Variants in RNF150 observed in about 807,000 individuals in gnomAD.
RNF150 encodes the protein ring finger protein 150.
In RNF150, 24 loss-of-function variants were observed where a neutral mutation model predicts 39.3. The ratio of observed to expected loss-of-function variants is 0.61; its 90% CI spans 0.44 to 0.86. RNF150 has a LOEUF of 0.86. Among genes scored for constraint, RNF150 ranks in the 40% least tolerant of loss-of-function variants. The pLI is 0.00. For synonymous variants in RNF150, 255 were observed against 227.3 expected (o/e 1.12, Z -1.10); for missense variants, 502 against 587.8 (o/e 0.85, Z 1.51).
At chr4:141,104,672 T>TTTAGAGGAGGCTGTACATA in intron 1 of RNF150, among the ~76,000 whole-genome samples, 1 of 152,224 alleles carries the variant, frequency 6.6e-6, no homozygotes. Flanking sequence ...GGTTGCCATA[T>TTTAGAGGAGGCTGTACATA]TTAGAGGAGG....
At chr4:141,127,015 G>A (rs1726770814) in intron 1 of RNF150, among the ~76,000 whole-genome samples, 1 of 152,098 alleles carries the variant, frequency 6.6e-6, no homozygotes, top group South Asian at 2.1e-4. Context: ...ATCAGCCTTA[G>A]ATCGCTTCCT....
intron 1 of RNF150, among the ~76,000 whole-genome samples, chr4:140,985,828 T>C (rs1377233937): frequency 6.6e-6 from 1 of 152,154 alleles, no homozygotes; most frequent in Non-Finnish European, 1.5e-5. Context: ...TTTTTAAAAA[T>C]GTGGCCACCT....
intron 1 of RNF150, among the ~76,000 whole-genome samples, chr4:141,163,123 G>T (rs189065586): frequency 1.3e-5 from 2 of 152,228 alleles, no homozygotes; most frequent in Admixed American, 6.5e-5. Context: ...TGGGGCAGAG[G>T]TACCCACCAT....
intron 1 of RNF150, among the ~76,000 whole-genome samples, chr4:141,093,366 A>G (rs1248481989): frequency 8.9e-6 from 1 of 111,982 alleles, no homozygotes; most frequent in East Asian, 3.4e-4. Flanking sequence ...ACTCCATCTC[A>G]AAAAAAAAAA....
intron 1 of RNF150, among the ~76,000 whole-genome samples, chr4:141,171,729 C>T (rs1727728960): frequency 6.6e-6 from 1 of 152,166 alleles, no homozygotes; most frequent in Non-Finnish European, 1.5e-5. Flanking sequence ...TATAGCACAA[C>T]TGAACTGAAT....
chr4:140,973,874 TAAA>T (rs566506401), intron 1 of RNF150, among the ~76,000 whole-genome samples: 5 of 110,536 alleles, frequency 4.5e-5, no homozygotes, highest in South Asian at 6.0e-4. Flanking sequence ...AGACTCTGTT[TAAA>T]AAAAAAAAAA....
At chr4:141,202,765 G>A (rs1289194946) in intron 1 of RNF150, among the ~76,000 whole-genome samples, 2 of 151,684 alleles carry the variant, frequency 1.3e-5, no homozygotes, top group African/African-American at 2.4e-5. Context: ...CAGGAAAAAT[G>A]GAAAGTTATT....
chr4:140,888,441 A>T (rs1167301259), intron 6 of RNF150, among the ~76,000 whole-genome samples: 1 of 152,246 alleles, frequency 6.6e-6, no homozygotes, highest in East Asian at 1.9e-4. Flanking sequence ...TTATAAGATC[A>T]TAACCCTACC....
At chr4:141,027,926 GTTTTTTTTTTTT>G (rs61543533) in intron 1 of RNF150, among the ~76,000 whole-genome samples, 3 of 69,152 alleles carry the variant, frequency 4.3e-5, no homozygotes, top group South Asian at 1.0e-3. Flanking sequence ...TTTTTTTTTT[GTTTTTTTTTTTT>G]TTTTTTTTTT....
At chr4:141,032,506 G>A (rs1735986679) in intron 1 of RNF150, among the ~76,000 whole-genome samples, 1 of 152,072 alleles carries the variant, frequency 6.6e-6, no homozygotes, top group Admixed American at 6.5e-5. Flanking sequence ...TGTTACCTCT[G>A]TGGCTGTGGT....
Position 141,132,241 on chromosome 4 carries a change from A to C in RNF150, c.484+84T>G. 1 of 1,410,078 alleles carries C rather than the reference A, an allele frequency of 7.1e-7. No homozygotes were observed. The allele number at this position is 1,410,078 out of a possible 1,614,324, so 87.3% of individuals were successfully genotyped here. On this transcript the variant is annotated intron_variant, in intron 1 of 6. Coordinates refer to ENST00000515673, the MANE Select transcript of RNF150 (RefSeq NM_020724.2). This position sits in a 1 kb window ranked among gnomAD's most constrained non-coding sequence, Gnocchi z 4.9. ...TTCCGCGCCGCACGGACTTCCCAGA[A>C]GGAGCCTGGAGGCAGGCGCTGGATC...
intron 1 of RNF150, among the ~76,000 whole-genome samples, chr4:141,027,926 G>T (rs10012069): frequency 0.59 from 40,011 of 67,610 alleles, 10,007 homozygotes; most frequent in Non-Finnish European, 0.64. Flanking sequence ...TTTTTTTTTT[G>T]TTTTTTTTTT....
intron 2 of RNF150, among the ~76,000 whole-genome samples, chr4:140,962,823 G>T (rs1206685093): frequency 1.3e-5 from 2 of 151,910 alleles, no homozygotes; most frequent in African/African-American, 4.8e-5. Flanking sequence ...AATGAATAAA[G>T]AAATTAAGTA....
chr4:141,056,192 T>A, intron 1 of RNF150, among the ~76,000 whole-genome samples: 1 of 152,198 alleles, frequency 6.6e-6, no homozygotes, highest in East Asian at 1.9e-4. Flanking sequence ...TTTAAGAAAC[T>A]GTAAGTTTTT....
chr4:141,208,833 C>G (rs912392433), intron 1 of RNF150, among the ~76,000 whole-genome samples: 1 of 152,058 alleles, frequency 6.6e-6, no homozygotes, highest in Non-Finnish European at 1.5e-5. Context: ...CTTCAGCACT[C>G]ATGGGATTGA....
chr4:141,058,303 G>T (rs1737071467), intron 1 of RNF150, among the ~76,000 whole-genome samples: 1 of 152,054 alleles, frequency 6.6e-6, no homozygotes, highest in Non-Finnish European at 1.5e-5. Flanking sequence ...GAGGAGTGGG[G>T]AGGGTGAAGA....
intron 1 of RNF150, among the ~76,000 whole-genome samples, chr4:141,185,818 G>A (rs530792771): frequency 3.9e-5 from 6 of 152,046 alleles, no homozygotes; most frequent in South Asian, 2.1e-4. Flanking sequence ...CTCTGTTTAC[G>A]TGATGAATTA....
chr4:141,117,181 C>T (rs1464926852), intron 1 of RNF150, among the ~76,000 whole-genome samples: 2 of 152,008 alleles, frequency 1.3e-5, no homozygotes, highest in African/African-American at 4.8e-5. Flanking sequence ...ATTACCATAT[C>T]CATAGGTGGC....
chr4:141,010,901 G>C (rs1393718298), intron 1 of RNF150, among the ~76,000 whole-genome samples: 14 of 151,944 alleles, frequency 9.2e-5, no homozygotes, highest in African/African-American at 3.4e-4. Context: ...GGTGTAGCTT[G>C]AAGAAGACCA....
Sources: allele counts gnomAD v4.1 joint callset (sites outside exome capture counted in the v4.1 genomes callset), GRCh38; gene constraint gnomAD v4.1.1; non-coding constraint Gnocchi (gnomAD v3.1); transcripts MANE v1.5; gene names NCBI Gene and HGNC (gene_info 2026-07-23, HGNC 2026-07-21).